EXTL3: variants seen among roughly 807,000 people sequenced by gnomAD.
EXTL3 encodes exostosin-like 3.
In EXTL3, 27 loss-of-function variants were observed where a neutral mutation model predicts 69.3. The ratio of observed to expected loss-of-function variants is 0.39; its 90% confidence interval spans 0.29 to 0.54. The LOEUF (loss-of-function observed/expected upper bound fraction) is 0.54. Among genes scored for constraint, EXTL3 ranks in the 20% least tolerant of loss-of-function variants. The pLI is 0.69. For synonymous variants in EXTL3, 511 were observed against 499.4 expected, an observed-to-expected ratio of 1.02 and a Z score of -0.31; for missense variants, 1,003 against 1,231.8, an observed-to-expected ratio of 0.81 and a Z score of 2.78.
chr8:28,650,908 T>G (rs1232560699), intron 1 of EXTL3, among the ~76,000 whole-genome samples: 2 of 152,218 alleles, frequency 1.3e-5, no homozygotes, highest in African/African-American at 2.4e-5. Context: ...TTTCAGTTCT[T>G]TGTTTTTCCA....
At chr8:28,642,347 G>A (rs1806757754) in intron 1 of EXTL3, among the ~76,000 whole-genome samples, 1 of 151,456 alleles carries the variant, frequency 6.6e-6, no homozygotes, top group South Asian at 2.1e-4. Flanking sequence ...TTGGGAAACT[G>A]AGGCAGGACA....
At chr8:28,670,347 T>A (rs1807266729) in intron 1 of EXTL3, among the ~76,000 whole-genome samples, 1 of 152,142 alleles carries the variant, frequency 6.6e-6, no homozygotes. Flanking sequence ...ATTAAGGGAT[T>A]GCCAGAGAAA....
At chr8:28,609,621 C>T (rs943773135) in intron 2 of EXTL3, among the ~76,000 whole-genome samples, 1 of 151,992 alleles carries the variant, frequency 6.6e-6, no homozygotes, top group Non-Finnish European at 1.5e-5. Flanking sequence ...CACGGTAGCT[C>T]ATACGTGGAA....
At chr8:28,702,252 C>T (rs530809026) in intron 1 of EXTL3, among the ~76,000 whole-genome samples, 1 of 152,334 alleles carries the variant, frequency 6.6e-6, no homozygotes, top group African/African-American at 2.4e-5. Context: ...GTCAGAGGAG[C>T]CGCTTCCTGT....
intron 1 of EXTL3, among the ~76,000 whole-genome samples, chr8:28,648,990 T>A (rs1445701475): frequency 6.6e-6 from 1 of 152,148 alleles, no homozygotes; most frequent in Non-Finnish European, 1.5e-5. Flanking sequence ...GCCTCCGGGT[T>A]CAAGAAATTC....
chr8:28,723,407 C>T (rs1461266874), intron 3 of EXTL3, among the ~76,000 whole-genome samples: 1 of 152,078 alleles, frequency 6.6e-6, no homozygotes, highest in African/African-American at 2.4e-5. Context: ...AACAAGGCTA[C>T]CCCGAACCAA....
Position 28,631,596 on chromosome 8 carries a change from T to A in EXTL3, c.-53+8786T>A, listed in dbSNP as rs187029518. On this transcript the variant is annotated intron_variant, in intron 1 of 6. Transcript: ENST00000523149. ...GACACAAGATAGCAGGCTCTGGGGA[T>A]GATAATGCCTGCTGCTGATGGGCGG... 3 of 152,190 alleles carry A rather than the reference T, an allele frequency of 2.0e-5. No individual in the cohort carries two copies. The South Asian group carries it at 6.2e-4, about 31-fold the overall frequency. 9.4% of individuals were successfully genotyped at this position (152,190 alleles called of 1,614,324 possible). A position where few individuals can be genotyped will look rare whatever the true frequency, so the allele number is the denominator to read the frequency against.
At chr8:28,630,321 C>A (rs1806553594) in intron 1 of EXTL3, among the ~76,000 whole-genome samples, 1 of 152,168 alleles carries the variant, frequency 6.6e-6, no homozygotes, top group Admixed American at 6.5e-5. Flanking sequence ...ACCTCCCCAG[C>A]CATGTGGAAC....
At chr8:28,725,727 A>G (rs969360071) in intron 3 of EXTL3, among the ~76,000 whole-genome samples, 2 of 152,248 alleles carry the variant, frequency 1.3e-5, no homozygotes, top group Admixed American at 1.3e-4. Flanking sequence ...AGATGTAATC[A>G]TAAGGCATCT....
At chr8:28,670,811 G>C (rs141515767) in intron 1 of EXTL3, among the ~76,000 whole-genome samples, 4 of 152,268 alleles carry the variant, frequency 2.6e-5, no homozygotes, top group African/African-American at 9.6e-5. Context: ...GGACACTCCT[G>C]ACCCAATCAA....
At chr8:28,645,415 A>G (rs756736908) in intron 1 of EXTL3, among the ~76,000 whole-genome samples, 20 of 152,320 alleles carry the variant, frequency 1.3e-4, no homozygotes, top group Non-Finnish European at 2.6e-4. Flanking sequence ...CATAAGTACA[A>G]TGGAATTCCT....
At chr8:28,714,016 C>T (rs1369041066) in intron 2 of EXTL3, among the ~76,000 whole-genome samples, 1 of 149,668 alleles carries the variant, frequency 6.7e-6, no homozygotes, top group African/African-American at 2.5e-5. Flanking sequence ...AGGCGATTCT[C>T]CTGCCTCAGC....
At chr8:28,645,942 A>G (rs1806821913) in intron 1 of EXTL3, among the ~76,000 whole-genome samples, 2 of 151,752 alleles carry the variant, frequency 1.3e-5, no homozygotes, top group Non-Finnish European at 2.9e-5. Context: ...GGCTCACTGC[A>G]GCCTCAACTT....
At chr8:28,698,142 G>C (rs1012641732), upstream of EXTL3, 2 of 152,200 alleles carry the variant, frequency 1.3e-5, no homozygotes, top group Non-Finnish European at 2.9e-5. Context: ...ATCAGTGGTA[G>C]AGATCCTACA....
At chr8:28,696,020 G>T (rs187540692) in intron 1 of EXTL3, among the ~76,000 whole-genome samples, 5 of 151,830 alleles carry the variant, frequency 3.3e-5, no homozygotes, top group Admixed American at 2.0e-4. Context: ...TGGCTCAAGC[G>T]ATCCTCCCAC....
At chr8:28,691,492 T>C (rs1024087815) in intron 1 of EXTL3, among the ~76,000 whole-genome samples, 7 of 151,172 alleles carry the variant, frequency 4.6e-5, no homozygotes, top group Admixed American at 2.6e-4. Context: ...GGTTGACACA[T>C]AGAGATAGCA....
chr8:28,666,094 C>T (rs1448381552), intron 1 of EXTL3, among the ~76,000 whole-genome samples: 2 of 152,184 alleles, frequency 1.3e-5, no homozygotes, highest in African/African-American at 2.4e-5. Flanking sequence ...CTGCTGATGG[C>T]AGCCTTTCTT....
intron 4 of EXTL3, among the ~76,000 whole-genome samples, chr8:28,733,363 A>G (rs1350821394): frequency 6.6e-6 from 1 of 151,866 alleles, no homozygotes; most frequent in Non-Finnish European, 1.5e-5. Flanking sequence ...GTGATAACTA[A>G]TTTTATATAT....
At chr8:28,670,688 G>A (rs1449143344) in intron 1 of EXTL3, among the ~76,000 whole-genome samples, 1 of 152,196 alleles carries the variant, frequency 6.6e-6, no homozygotes, top group East Asian at 1.9e-4. Flanking sequence ...TTTTGTTCTA[G>A]TCAGGTCTTC....
Sources: allele counts gnomAD v4.1 joint callset (sites outside exome capture counted in the v4.1 genomes callset), GRCh38; gene constraint gnomAD v4.1.1; transcripts MANE v1.5; gene names NCBI Gene and HGNC (gene_info 2026-07-23, HGNC 2026-07-21).